EPHA5: variants seen among roughly 807,000 people sequenced by gnomAD.
The protein encoded by EPHA5 is ephrin type-A receptor 5.
Under a neutral mutation model 105.0 loss-of-function variants are expected in EPHA5, and 60 were observed. That is an observed-to-expected ratio of 0.57 (90% CI 0.46 to 0.71). The LOEUF (loss-of-function observed/expected upper bound fraction) is 0.71, where lower values mean the gene tolerates loss of function less well. Among genes scored for constraint, EPHA5 ranks in the 30% least tolerant of loss-of-function variants. EPHA5 has a pLI of 0.00. For synonymous variants in EPHA5, 513 were observed against 449.1 expected, an observed-to-expected ratio of 1.14 and a Z score of -1.80; for missense variants, 1,218 against 1,274.7, an observed-to-expected ratio of 0.96 and a Z score of 0.68.
chr4:65,505,794 G>A (rs1732950801), intron 3 of EPHA5, among the ~76,000 whole-genome samples: 1 of 151,980 alleles, frequency 6.6e-6, no homozygotes, highest in African/African-American at 2.4e-5. Context: ...AGAAAACTAT[G>A]TTTTTGAGAG....
intron 3 of EPHA5, among the ~76,000 whole-genome samples, chr4:65,504,465 T>C (rs945538755): frequency 6.6e-6 from 1 of 151,746 alleles, no homozygotes; most frequent in African/African-American, 2.4e-5. Flanking sequence ...GTTATACATT[T>C]CTAAACTATT....
chr4:65,601,309 G>A (rs1743702325), intron 3 of EPHA5, among the ~76,000 whole-genome samples: 1 of 152,022 alleles, frequency 6.6e-6, no homozygotes, highest in Non-Finnish European at 1.5e-5. Flanking sequence ...AATAGATGTA[G>A]CAGACAATAA....
At chr4:65,417,476 A>G (rs1455130818) in intron 6 of EPHA5, among the ~76,000 whole-genome samples, 2 of 152,198 alleles carry the variant, frequency 1.3e-5, no homozygotes, top group Non-Finnish European at 2.9e-5. Flanking sequence ...GGGAATTAAT[A>G]CTTTTATTTT....
At chr4:65,510,044 T>C (rs1182315284) in intron 3 of EPHA5, among the ~76,000 whole-genome samples, 1 of 150,672 alleles carries the variant, frequency 6.6e-6, no homozygotes, top group African/African-American at 2.4e-5. Context: ...TTTTTTTTTT[T>C]TTTTTTCGAG....
chr4:65,642,740 G>T (rs1272710726), intron 2 of EPHA5, among the ~76,000 whole-genome samples: 2 of 151,748 alleles, frequency 1.3e-5, no homozygotes, highest in Non-Finnish European at 2.9e-5. Context: ...AATCAAATTT[G>T]TTATAATATT....
At chr4:65,656,758 G>A (rs1452928569) in intron 1 of EPHA5, among the ~76,000 whole-genome samples, 1 of 151,010 alleles carries the variant, frequency 6.6e-6, no homozygotes, top group Non-Finnish European at 1.5e-5. Context: ...GGGACTACAG[G>A]TGCACGCCAC....
chr4:65,436,750 A>G (rs1207912785), intron 5 of EPHA5, among the ~76,000 whole-genome samples: 1 of 151,978 alleles, frequency 6.6e-6, no homozygotes, highest in Non-Finnish European at 1.5e-5. Context: ...ATAACTAACT[A>G]TTTACACATG....
chr4:65,607,292 C>T (rs1560765819), intron 2 of EPHA5, among the ~76,000 whole-genome samples: 1 of 151,794 alleles, frequency 6.6e-6, no homozygotes, highest in East Asian at 1.9e-4. Context: ...AACTAAAACA[C>T]CAAAATCAAT....
intron 11 of EPHA5, among the ~76,000 whole-genome samples, chr4:65,360,522 T>G (rs1302390119): frequency 6.6e-6 from 1 of 151,674 alleles, no homozygotes; most frequent in African/African-American, 2.4e-5. Context: ...TTTTTAATGT[T>G]AATTTTTCCC....
At chr4:65,382,942 A>C (rs1463833596) in intron 8 of EPHA5, among the ~76,000 whole-genome samples, 1 of 151,394 alleles carries the variant, frequency 6.6e-6, no homozygotes, top group Non-Finnish European at 1.5e-5. Flanking sequence ...GCATGTAAGC[A>C]GAAACTTCAA....
intron 8 of EPHA5, chr4:65,377,127 A>G: frequency 6.8e-7 from 1 of 1,468,126 alleles, no homozygotes; most frequent in Non-Finnish European, 9.2e-7. Flanking sequence ...TATAGCATAA[A>G]GACACTATGA....
intron 5 of EPHA5, among the ~76,000 whole-genome samples, chr4:65,440,653 C>A (rs1200790798): frequency 6.6e-6 from 1 of 151,840 alleles, no homozygotes; most frequent in East Asian, 1.9e-4. Flanking sequence ...GTCTAGTAAT[C>A]ATAAGCAATT....
chr4:65,517,061 G>A (rs1281395735), intron 3 of EPHA5, among the ~76,000 whole-genome samples: 2 of 152,006 alleles, frequency 1.3e-5, no homozygotes, highest in African/African-American at 2.4e-5. Context: ...TTAGAGAAGT[G>A]TGTTAAATTT....
intron 16 of EPHA5, 158 bp downstream of exon 16, chr4:65,331,815 C>T: frequency 3.0e-6 from 4 of 1,312,626 alleles, no homozygotes; most frequent in Non-Finnish European, 3.9e-6. Context: ...ATTAACCATG[C>T]AGTTGTTAAC....
intron 1 of EPHA5, among the ~76,000 whole-genome samples, chr4:65,666,349 A>C (rs1164556671): frequency 6.6e-6 from 1 of 152,184 alleles, no homozygotes; most frequent in Non-Finnish European, 1.5e-5. Flanking sequence ...AATCATTTTC[A>C]ATGCAGGGCT....
In EPHA5 at chr4:65,490,530, G is replaced by A. The variant is rs202046693; in HGVS notation, c.1249C>T (p.Arg417Trp). The A allele has an allele frequency of 1.9e-5, 30 of 1,614,060 alleles. No homozygotes were observed. Among genetic ancestry groups the A allele is most frequent in the East Asian group, 4.5e-5 (2 of 44,856 alleles). Residue 417 changes from arginine (R) to tryptophan (W), a missense_variant, in exon 5 of 17, where the codon CGG becomes TGG. This residue lies in a region of EPHA5 where 971 missense variants were observed against 1,013.5 expected (regional missense o/e 0.96). Transcript: ENST00000613740. ...GAGGTGTTTTTCAGGCCGCTTTGCC[G>A]GGGAAGGTACCTGACATGACCGCCA... ...ECGGHVRYLP[R>W]QSGLKNTSVM... is the part of the protein sequence containing the mutation.
intron 5 of EPHA5, among the ~76,000 whole-genome samples, chr4:65,474,022 G>A (rs1027505548): frequency 1.5e-4 from 23 of 151,440 alleles, no homozygotes; most frequent in South Asian, 6.3e-4. Context: ...GCCTGTTGTG[G>A]GGTGGGGGGA....
At chr4:65,519,948 C>A (rs1232149428) in intron 3 of EPHA5, among the ~76,000 whole-genome samples, 1 of 152,138 alleles carries the variant, frequency 6.6e-6, no homozygotes, top group African/African-American at 2.4e-5. Context: ...AATGGCCATA[C>A]TGCCCAAAGT....
chr4:65,460,325 G>A (rs1728004175), intron 5 of EPHA5, among the ~76,000 whole-genome samples: 1 of 151,238 alleles, frequency 6.6e-6, no homozygotes, highest in Non-Finnish European at 1.5e-5. Context: ...CTGTCTGAAT[G>A]AAGATAGCTA....
Sources: gnomAD v4.1 joint callset for allele counts (sites outside exome capture counted in the v4.1 genomes callset) on GRCh38, gnomAD v4.1.1 for gene constraint, gnomAD v4.1.1 regional missense constraint, MANE v1.5 for transcripts, NCBI Gene and HGNC (gene_info 2026-07-23, HGNC 2026-07-21) for gene names.